The following SLC35H1 variants were observed in gnomAD, a reference collection of about 807,000 sequenced individuals.
SLC35H1 encodes solute carrier family 35 member H1, also known as ovarian cancer-overexpressed gene 1 protein.
the SLC35H1 span, chr20:46,347,259 C>T: frequency 6.6e-6 from 1 of 152,190 alleles, no homozygotes. Flanking sequence ...CCTTAGCCAT[C>T]GTTATGCTTA....
chr20:46,355,034 G>A, the SLC35H1 span: 64 of 1,613,648 alleles, frequency 4.0e-5, no homozygotes, highest in African/African-American at 4.3e-4. This position sits in a 1 kb window ranked among gnomAD's most constrained non-coding sequence, Gnocchi z 4.8. Context: ...TGCCTGTGCC[G>A]GGGTTCCTCT....
At chr20:46,352,009 T>A in the SLC35H1 span, 8 of 1,600,132 alleles carry the variant, frequency 5.0e-6, no homozygotes, top group Non-Finnish European at 6.0e-6. Flanking sequence ...CCCTGGGGGC[T>A]CCCTCTCTAA....
the SLC35H1 span, chr20:46,356,704 C>A: frequency 6.9e-7 from 1 of 1,456,570 alleles, no homozygotes; most frequent in Non-Finnish European, 9.5e-7. Context: ...GGGCTGGTAC[C>A]CTGAGGCACC....
the SLC35H1 span, chr20:46,348,068 C>CT: frequency 6.6e-6 from 1 of 150,966 alleles, no homozygotes; most frequent in African/African-American, 2.4e-5. Context: ...CATGGTGATG[C>CT]TGCAGCCCTG....
the SLC35H1 span, chr20:46,352,393 A>G: frequency 1.6e-6 from 1 of 641,642 alleles, no homozygotes; most frequent in Non-Finnish European, 2.6e-6. Flanking sequence ...GATCCCACAC[A>G]GATGGCCTGA....
At chr20:46,355,988 T>G in the SLC35H1 span, 1 of 1,481,676 alleles carries the variant, frequency 6.7e-7, no homozygotes, top group Non-Finnish European at 9.1e-7. The surrounding 1 kb of genome is among the most constrained non-coding windows in gnomAD (Gnocchi z 4.8). Flanking sequence ...AGCTGGGCTG[T>G]CATCTGAGTG....
chr20:46,357,899 G>A, the SLC35H1 span: 1 of 974,534 alleles, frequency 1.0e-6, no homozygotes, highest in Non-Finnish European at 1.5e-6. Context: ...ACCTTGCTAT[G>A]TGTGTAGGGC....
At chr20:46,350,910 A>T in the SLC35H1 span, 1 of 1,613,168 alleles carries the variant, frequency 6.2e-7, no homozygotes, top group Non-Finnish European at 8.5e-7. Context: ...GAGAAGCAGG[A>T]GGGAGCATGA....
At chr20:46,358,514 GGCT>G in the SLC35H1 span, 1 of 1,614,162 alleles carries the variant, frequency 6.2e-7, no homozygotes, top group Non-Finnish European at 8.5e-7. Flanking sequence ...CATTCGTGGC[GGCT>G]GCAGCACCGG....
At chr20:46,352,140 C>T in the SLC35H1 span, 8 of 1,614,230 alleles carry the variant, frequency 5.0e-6, no homozygotes, top group East Asian at 2.2e-5. Context: ...GCGAGAATCC[C>T]GCCAAGGAAG....
chr20:46,352,243 G>A, the SLC35H1 span: 7 of 1,612,432 alleles, frequency 4.3e-6, no homozygotes, highest in Non-Finnish European at 5.1e-6. Context: ...GCAACAGGGA[G>A]AGAGAGTGGG....
At chr20:46,352,311 T>C in the SLC35H1 span, 1 of 1,216,290 alleles carries the variant, frequency 8.2e-7, no homozygotes, top group African/African-American at 1.5e-5. Context: ...GATCTTCCAC[T>C]GTAGTAGTGA....
the SLC35H1 span, among the ~76,000 whole-genome samples, chr20:46,355,527 G>A: frequency 6.6e-6 from 1 of 152,162 alleles, no homozygotes; most frequent in Admixed American, 6.5e-5. The surrounding 1 kb of genome is among the most constrained non-coding windows in gnomAD (Gnocchi z 4.8). Flanking sequence ...AACACACAGG[G>A]CTACTGCCTC....
chr20:46,359,677 G>C, the SLC35H1 span, among the ~76,000 whole-genome samples: 1 of 152,226 alleles, frequency 6.6e-6, no homozygotes, highest in African/African-American at 2.4e-5. Flanking sequence ...AGTGCCCGGA[G>C]CATGCCGGGT....
chr20:46,354,827 G>A, the SLC35H1 span: 1,452 of 1,453,460 alleles, frequency 1.0e-3, 1 homozygote, highest in African/African-American at 2.0e-3. Flanking sequence ...GGCTCAGGGC[G>A]AGGATCTGTG....
At chr20:46,354,839 T>TCTGCTGCA in the SLC35H1 span, 1 of 1,509,420 alleles carries the variant, frequency 6.6e-7, no homozygotes. Context: ...GGATCTGTGG[T>TCTGCTGCA]CTGCTGCACT....
the SLC35H1 span, among the ~76,000 whole-genome samples, chr20:46,362,869 T>C: frequency 6.6e-6 from 1 of 152,212 alleles, no homozygotes; most frequent in East Asian, 1.9e-4. Context: ...CGGGTTCAAG[T>C]GATTCTCCCG....
the SLC35H1 span, chr20:46,349,254 AG>A: frequency 6.6e-6 from 1 of 152,234 alleles, no homozygotes; most frequent in Admixed American, 6.5e-5. Flanking sequence ...AGTTTACAGG[AG>A]TAGACTCAGT....
the SLC35H1 span, among the ~76,000 whole-genome samples, chr20:46,360,403 A>G: frequency 1.3e-5 from 2 of 152,066 alleles, no homozygotes; most frequent in East Asian, 1.9e-4. Context: ...TGGCCATCAC[A>G]CTCCTAGAGG....
Sources: allele counts gnomAD v4.1 joint callset (sites outside exome capture counted in the v4.1 genomes callset), GRCh38; gene constraint gnomAD v4.1.1; non-coding constraint Gnocchi (gnomAD v3.1); transcripts MANE v1.5; gene names NCBI Gene and HGNC (gene_info 2026-07-23, HGNC 2026-07-21).